The following GYG2 variants were observed in gnomAD, a reference collection of about 807,000 sequenced individuals.
GYG2 encodes glycogenin-2.
Under a neutral mutation model 29.4 loss-of-function variants are expected in GYG2, and 29 were observed. The observed-to-expected ratio is 0.99, with a 90% CI of 0.74 to 1.35. The LOEUF is 1.35. Among genes scored for constraint, GYG2 ranks in the 40% most tolerant of loss-of-function variants. GYG2 has a pLI of 0.00. For synonymous variants in GYG2, 167 were observed against 172.3 expected (o/e 0.97, Z 0.24); for missense variants, 370 against 385.7 (o/e 0.96, Z 0.34).
At chrX:2,852,544 G>A (rs1318220901) in intron 3 of GYG2, among the ~76,000 whole-genome samples, 1 of 111,823 alleles carries the variant, frequency 8.9e-6, no homozygotes, top group East Asian at 2.8e-4. Context: ...TTCAAGCTTC[G>A]AGTCTCAAAC....
At chrX:2,843,520 A>G (rs999799510) in intron 3 of GYG2, among the ~76,000 whole-genome samples, 166 bp downstream of exon 3, 2 of 112,369 alleles carry the variant, frequency 1.8e-5, no homozygotes, top group Non-Finnish European at 3.8e-5. Flanking sequence ...GAACCTTCGA[A>G]TCATGTGAAA....
chrX:2,844,651 C>T (rs866535213), intron 3 of GYG2, among the ~76,000 whole-genome samples: 2 of 21,018 alleles, frequency 9.5e-5, no homozygotes, highest in African/African-American at 3.0e-4. Flanking sequence ...TGTGTATACG[C>T]ACACGCATGC....
At position 2,881,336 on chromosome X, in the gene GYG2, C is replaced by A; in HGVS notation, c.*123C>A. ...GTTGAACCTTGTGCCTCTATTTATG[C>A]TTAATCCATTTGAGTGCCTCACACA... On this transcript the variant is annotated 3_prime_UTR_variant, in exon 11 of 11. Transcript: ENST00000398806. 1 of 590,741 alleles carries A rather than the reference C, an allele frequency of 1.7e-6. No homozygotes were observed. Among genetic ancestry groups the A allele is most frequent in the Non-Finnish European group, 2.5e-6 (1 of 394,794 alleles). 48.7% of individuals were successfully genotyped at this position (590,741 alleles called of 1,213,427 possible). A position where few individuals can be genotyped will look rare whatever the true frequency, so the allele number is the denominator to read the frequency against.
intron 10 of GYG2, chrX:2,877,523 C>G: frequency 9.8e-7 from 1 of 1,019,230 alleles, no homozygotes; most frequent in Non-Finnish European, 1.3e-6. Flanking sequence ...ATCTTCAAGT[C>G]TGATCATCAC....
intron 5 of GYG2, among the ~76,000 whole-genome samples, chrX:2,855,518 A>C (rs1333403018): frequency 1.8e-5 from 2 of 111,848 alleles, no homozygotes; most frequent in African/African-American, 6.5e-5. Flanking sequence ...TACAGTATAA[A>C]ATCTTATGGG....
Position 2,861,605 on chromosome X carries a change from G to A in GYG2, c.921G>A (p.Ala307=), listed in dbSNP as rs765698656. ...GEPCENSTPS[A]GVPCANSPLG... ...CGTGTGAAAATTCAACACCCAGTGC[G>A]GGCGTGCCGTGTGCAAATTCACCAC... The change falls in exon 8 of 11, where the codon GCG becomes GCA. Residue 307 remains alanine, a synonymous_variant. Transcript: ENST00000398806. 13 of 1,204,622 alleles carry A rather than the reference G, an allele frequency of 1.1e-5. No homozygotes were observed. The highest frequency in any genetic ancestry group is 7.1e-5 in the South Asian group (4 of 56,304).
chrX:2,856,366 G>A, intron 5 of GYG2, 132 bp from the exon 6 acceptor site: 1 of 518,484 alleles, frequency 1.9e-6, no homozygotes, highest in Non-Finnish European at 3.1e-6. Context: ...TGTGCAGCTG[G>A]CAGACAGAAG....
At chrX:2,844,270 G>A (rs776565427) in intron 3 of GYG2, among the ~76,000 whole-genome samples, 34 of 111,877 alleles carry the variant, frequency 3.0e-4, no homozygotes, top group African/African-American at 1.0e-3. Flanking sequence ...GTCCTCAGAC[G>A]TTTGAAACTG....
At chrX:2,877,471 C>T in intron 10 of GYG2, 164 bp downstream of exon 10, 1 of 1,082,516 alleles carries the variant, frequency 9.2e-7, no homozygotes, top group Non-Finnish European at 1.2e-6. Flanking sequence ...TCTGTCTTCT[C>T]TCTGGCATTT....
rs1182178819 is a variant in GYG2, at chrX:2,856,511, C to T, written c.501C>T (p.Gly167=). 3 of 1,209,500 alleles carry T rather than the reference C, an allele frequency of 2.5e-6. No homozygotes were observed. Among genetic ancestry groups the T allele is most frequent in the Non-Finnish European group, 3.4e-6 (3 of 893,894 alleles). ...CTCATTATGTAGGGGCAGACCAAGG[C>T]TTACTGAATAGTTTCTTCAGGAACT... ...EHGSFDGADQ[G]LLNSFFRNWS... Residue 167 remains glycine (G), a synonymous_variant, in exon 6 of 11, where the codon GGC becomes GGT. Coordinates refer to ENST00000398806, the MANE Select transcript of GYG2 (RefSeq NM_001079855.2).
chrX:2,855,203 A>C, intron 5 of GYG2, 48 bp downstream of exon 5: 6 of 1,078,474 alleles, frequency 5.6e-6, no homozygotes, highest in Non-Finnish European at 7.6e-6. Flanking sequence ...GCACACACTC[A>C]ACTCTGCAGA....
rs191318344 is a variant in GYG2 at position 2,853,209 on chromosome X, T to C, written c.150-771T>C. 1.1e-4 allele frequency among the ~76,000 whole-genome samples: 12 copies of C among 110,678 alleles called. No homozygotes were observed. The East Asian group carries it at 3.4e-3, about 31-fold the overall frequency. ...TAAATTTTTTGTTTGTTTGTTTTTG[T>C]TTTTTTGCTTGTTTGTTTTGAGATA... On this transcript the variant is annotated intron_variant, in intron 3 of 10. Coordinates refer to ENST00000398806, the MANE Select transcript of GYG2 (RefSeq NM_001079855.2).
At position 2,881,355 on chromosome X, in the gene GYG2, T is replaced by A; in HGVS notation, c.*142T>A. The A allele has an allele frequency of 2.0e-6, 1 of 506,457 alleles. No homozygotes were observed. 41.7% of individuals were successfully genotyped at this position (506,457 alleles called of 1,213,427 possible). A position where few individuals can be genotyped will look rare whatever the true frequency, so the allele number is the denominator to read the frequency against. On this transcript the variant is annotated 3_prime_UTR_variant, in exon 11 of 11. Coordinates refer to ENST00000398806, the MANE Select transcript of GYG2 (RefSeq NM_001079855.2). ...TTTATGCTTAATCCATTTGAGTGCC[T>A]CACACAAAAAACGTAGAGTATAGAA...
chrX:2,854,152 C>T lies in GYG2; in HGVS notation c.322C>T (p.Leu108=). Residue 108 remains leucine, a splice_region_variant and synonymous_variant, in exon 4 of 11, where the codon CTG becomes TTG. Transcript: ENST00000398806. ...SKCVFLDADT[L]VLSNVDELFD... is the part of the protein sequence containing the mutation. ...GTGTGTCTTCCTGGATGCAGACACT[C>T]TGGTGAGTGAAGACTCTCTGCTTGA... 1 of 1,166,439 alleles carries T rather than the reference C, an allele frequency of 8.6e-7. No individual in the cohort carries two copies. The highest frequency in any genetic ancestry group is 1.2e-6 in the Non-Finnish European group (1 of 862,151).
At chrX:2,860,929 C>A (rs1356368488) in intron 7 of GYG2, among the ~76,000 whole-genome samples, 1 of 109,982 alleles carries the variant, frequency 9.1e-6, no homozygotes, top group Non-Finnish European at 1.9e-5. Context: ...GGGGTTTTGC[C>A]ACGTTGGCCA....
rs2088715650 is a variant in GYG2, at chrX:2,881,238, GTAGT to G, written c.*29_*32del. ...ATCCGGCAGCTGGTGGGCGTTGTGT[GTAGT>G]TAGACAATGTCCTGTTGGGTGGTCC... On this transcript the variant is annotated 3_prime_UTR_variant, in exon 11 of 11. Transcript: ENST00000398806. 8.8e-7 allele frequency: 1 copy of G among 1,135,978 alleles called. No individual in the cohort carries two copies. Among genetic ancestry groups the G allele is most frequent in the African/African-American group, 1.8e-5 (1 of 55,687 alleles). The allele number at this position is 1,135,978 out of a possible 1,213,427, so 93.6% of individuals were successfully genotyped here. A position where few individuals can be genotyped will look rare whatever the true frequency, so the allele number is the denominator to read the frequency against.
chrX:2,864,491 C>G (rs1380246433), intron 8 of GYG2, among the ~76,000 whole-genome samples: 1 of 110,072 alleles, frequency 9.1e-6, no homozygotes, highest in Non-Finnish European at 1.9e-5. Context: ...GAGGCAGAGG[C>G]CCTAAGCAGC....
intron 3 of GYG2, among the ~76,000 whole-genome samples, chrX:2,844,525 C>CGTGCGT (rs2087583347): frequency 1.2e-5 from 1 of 80,077 alleles, no homozygotes; most frequent in Non-Finnish European, 2.4e-5. Flanking sequence ...TACGCACACG[C>CGTGCGT]ATGCGTATAT....
intron 3 of GYG2, among the ~76,000 whole-genome samples, chrX:2,843,965 C>A (rs1381170051): frequency 8.9e-6 from 1 of 112,195 alleles, no homozygotes; most frequent in Admixed American, 9.5e-5. Context: ...TTATAATTTC[C>A]TTTTATAATT....
Sources: allele counts gnomAD v4.1 joint callset (sites outside exome capture counted in the v4.1 genomes callset), GRCh38; gene constraint gnomAD v4.1.1; transcripts MANE v1.5; gene names NCBI Gene and HGNC (gene_info 2026-07-23, HGNC 2026-07-21).